KIF5C: variants seen among roughly 807,000 people sequenced by gnomAD.
KIF5C encodes the protein kinesin family member 5C, also known as kinesin heavy chain isoform 5C.
A neutral mutation model predicts 125.2 loss-of-function variants in KIF5C; 18 were observed. The ratio of observed to expected loss-of-function variants is 0.14; its 90% confidence interval spans 0.10 to 0.21. KIF5C has a LOEUF of 0.21. Ranked by LOEUF, KIF5C falls within the 10% of genes least tolerant of loss-of-function variation. The pLI, the probability that KIF5C is intolerant of heterozygous loss-of-function variation, is 1.00. For synonymous variants in KIF5C, 405 were observed against 434.0 expected, an observed-to-expected ratio of 0.93 and a Z score of 0.83; for missense variants, 780 against 1,183.8, an observed-to-expected ratio of 0.66 and a Z score of 5.01.
chr2:148,882,419 T>G (rs1438261921), intron 1 of KIF5C, among the ~76,000 whole-genome samples: 1 of 152,162 alleles, frequency 6.6e-6, no homozygotes, highest in Non-Finnish European at 1.5e-5. Context: ...CTTGGGAAGG[T>G]GCAGACCCTT....
In KIF5C at chr2:148,981,523, G is replaced by A. The variant is rs772004983; in HGVS notation, c.1531G>A (p.Ala511Thr). The A allele has an allele frequency of 1.9e-6, 3 of 1,605,188 alleles. No individual in the cohort carries two copies. Among genetic ancestry groups the A allele is most frequent in the Non-Finnish European group, 2.6e-6 (3 of 1,175,962 alleles). Reference sequence around the variant, plus strand: ...ACAGGAAGTGGAGGATAAGACCCGGGCCAATGAGCAGCTGACAGACGAGCT... The same window carrying A: ...ACAGGAAGTGGAGGATAAGACCCGGACCAATGAGCAGCTGACAGACGAGCT... ...KSQEVEDKTR[A>T]NEQLTDELAQ... is the part of the protein sequence containing the mutation. Residue 511 changes from alanine to threonine, a missense_variant, in exon 14 of 26, where the codon GCC (alanine) becomes ACC (threonine). Around this residue, in one of 2 missense-constraint regions of KIF5C, gnomAD observed 573 missense variants for 742.6 expected, o/e 0.77. Coordinates refer to ENST00000435030, the MANE Select transcript of KIF5C (RefSeq NM_004522.3).
chr2:148,900,197 C>T (rs1204988056), intron 1 of KIF5C, among the ~76,000 whole-genome samples: 1 of 152,104 alleles, frequency 6.6e-6, no homozygotes, highest in Non-Finnish European at 1.5e-5. Flanking sequence ...TTTGCCAGTG[C>T]CTTCTATTTC....
chr2:148,928,824 C>T (rs777397337), intron 2 of KIF5C, among the ~76,000 whole-genome samples: 3 of 152,186 alleles, frequency 2.0e-5, no homozygotes, highest in African/African-American at 4.8e-5. Flanking sequence ...GGAGAAACCT[C>T]CCCAAGGAGC....
At chr2:148,880,428 A>G (rs1196948864) in intron 1 of KIF5C, among the ~76,000 whole-genome samples, 1 of 152,220 alleles carries the variant, frequency 6.6e-6, no homozygotes, top group Non-Finnish European at 1.5e-5. Flanking sequence ...GCTTGTTTCC[A>G]GTTTGGTATG....
intron 11 of KIF5C, among the ~76,000 whole-genome samples, chr2:148,965,884 A>G (rs980214589): frequency 6.6e-6 from 1 of 152,144 alleles, no homozygotes; most frequent in Non-Finnish European, 1.5e-5. Flanking sequence ...AGTGTAATAA[A>G]TATCACGCCA....
chr2:148,900,749 A>G (rs1248640309), intron 1 of KIF5C, among the ~76,000 whole-genome samples: 1 of 152,214 alleles, frequency 6.6e-6, no homozygotes, highest in African/African-American at 2.4e-5. Flanking sequence ...GGACAAAGAA[A>G]TGGAGCTTGG....
At position 148,941,221 on chromosome 2, in the gene KIF5C, T is replaced by C. The variant is rs181067045; in HGVS notation, c.397-389T>C. ...TCTCCTGGCTTCTTGCATGTGAACATTTGGGCTAAGTCTCCTTCATGATAC... is the reference window on the plus strand; with the variant it reads ...TCTCCTGGCTTCTTGCATGTGAACACTTGGGCTAAGTCTCCTTCATGATAC... On this transcript the variant is annotated intron_variant, in intron 4 of 25. Transcript: ENST00000435030. Among the ~76,000 whole-genome samples the C allele has an allele frequency of 5.3e-5, 8 of 152,286 alleles. No homozygotes were observed. In the East Asian group the frequency reaches 1.5e-3, roughly 29 times the overall value.
chr2:148,953,795 C>T (rs924010673), intron 10 of KIF5C, among the ~76,000 whole-genome samples: 1 of 152,172 alleles, frequency 6.6e-6, no homozygotes, highest in African/African-American at 2.4e-5. Flanking sequence ...TGAAGGCACT[C>T]TACCAAGAGT....
At chr2:149,014,909 C>G (rs1029742192) in intron 25 of KIF5C, among the ~76,000 whole-genome samples, 1 of 152,032 alleles carries the variant, frequency 6.6e-6, no homozygotes. Context: ...TAATATTGGC[C>G]GGGCATGGCG....
intron 12 of KIF5C, among the ~76,000 whole-genome samples, chr2:148,976,741 A>ATT (rs58128251): frequency 6.9e-6 from 1 of 145,320 alleles, no homozygotes; most frequent in African/African-American, 2.5e-5. Context: ...CACTCAGCTA[A>ATT]TTTTTTTTTT....
In KIF5C at chr2:149,025,435, A is replaced by G. The variant is rs993746922; in HGVS notation, c.*2365A>G. 6.5e-6 allele frequency: 1 copy of G among 152,682 alleles called. No individual in the cohort carries two copies. Among genetic ancestry groups the G allele is most frequent in the African/African-American group, 2.4e-5 (1 of 41,464 alleles). The allele number at this position is 152,682 out of a possible 1,614,324, so 9.5% of individuals were successfully genotyped here. A position where few individuals can be genotyped will look rare whatever the true frequency, so the allele number is the denominator to read the frequency against. On this transcript the variant is annotated 3_prime_UTR_variant, in exon 26 of 26. Transcript: ENST00000435030. ...CTATGTATAATAAGCCAGTTATTAT[A>G]TCAGGACCATGTTCTCTGTAGGCCA...
At chr2:148,957,592 T>TAAA (rs201033625) in intron 10 of KIF5C, among the ~76,000 whole-genome samples, 7 of 71,774 alleles carry the variant, frequency 9.8e-5, no homozygotes, top group South Asian at 5.7e-4. Context: ...TTTGTTCTAG[T>TAAA]AAAAAAAAAA....
intron 12 of KIF5C, among the ~76,000 whole-genome samples, chr2:148,976,045 C>G (rs1305411149): frequency 6.6e-6 from 1 of 152,136 alleles, no homozygotes. Flanking sequence ...CTCCTTGTCT[C>G]TTAGTCTCTG....
At chr2:148,887,538 C>G (rs74950020) in intron 1 of KIF5C, among the ~76,000 whole-genome samples, 9,650 of 152,120 alleles carry the variant, frequency 0.063, 393 homozygotes, top group Middle Eastern at 0.18. Flanking sequence ...TATCAGTGCC[C>G]AAAGACAAGT....
chr2:148,881,119 C>T (rs1194969932), intron 1 of KIF5C, among the ~76,000 whole-genome samples: 8 of 151,960 alleles, frequency 5.3e-5, no homozygotes, highest in Admixed American at 5.2e-4. Flanking sequence ...GCGCTGATTA[C>T]CTCCTATGTC....
chr2:148,880,886 G>T (rs185311283), intron 1 of KIF5C, among the ~76,000 whole-genome samples: 23 of 152,066 alleles, frequency 1.5e-4, no homozygotes, highest in Non-Finnish European at 2.8e-4. Flanking sequence ...CAGTGAATGG[G>T]GTGGGTAGAG....
chr2:148,993,897 G>T (rs899927021), intron 16 of KIF5C, among the ~76,000 whole-genome samples: 13 of 152,128 alleles, frequency 8.5e-5, no homozygotes, highest in Non-Finnish European at 4.4e-5. Flanking sequence ...GCTAGCCAAG[G>T]TAGTGTGTGT....
chr2:148,929,031 C>G (rs534406916), intron 2 of KIF5C, among the ~76,000 whole-genome samples: 50 of 152,298 alleles, frequency 3.3e-4, no homozygotes, highest in Non-Finnish European at 6.6e-4. Flanking sequence ...CTCTATCTTC[C>G]TTTTGATGTC....
chr2:148,890,632 G>A (rs1189626393), intron 1 of KIF5C, among the ~76,000 whole-genome samples: 1 of 152,204 alleles, frequency 6.6e-6, no homozygotes, highest in Non-Finnish European at 1.5e-5. Context: ...GGAGGGGCTT[G>A]AAAGAGGGCT....
Sources: allele counts gnomAD v4.1 joint callset (sites outside exome capture counted in the v4.1 genomes callset), GRCh38; gene constraint gnomAD v4.1.1; regional missense constraint gnomAD v4.1.1; transcripts MANE v1.5; gene names NCBI Gene and HGNC (gene_info 2026-07-23, HGNC 2026-07-21).